FMNL2: variants seen among roughly 807,000 people sequenced by gnomAD.
The protein encoded by FMNL2 is formin like 2, also known as formin-like protein 2.
Under a neutral mutation model 130.2 loss-of-function variants are expected in FMNL2, and 51 were observed. The ratio of observed to expected loss-of-function variants is 0.39; its 90% CI spans 0.31 to 0.49. The LOEUF is 0.49. FMNL2 is among the 20% of genes least tolerant of loss of function. FMNL2 has a pLI of 0.85. For synonymous variants in FMNL2, 465 were observed against 467.1 expected, an observed-to-expected ratio of 1.00 and a Z score of 0.06; for missense variants, 977 against 1,316.2, an observed-to-expected ratio of 0.74 and a Z score of 3.99.
At chr2:152,575,813 A>G (rs906588426) in intron 7 of FMNL2, among the ~76,000 whole-genome samples, 7 of 152,300 alleles carry the variant, frequency 4.6e-5, no homozygotes, top group South Asian at 2.1e-4. Flanking sequence ...AAAAGTTACA[A>G]TTATTGACAG....
intron 1 of FMNL2, among the ~76,000 whole-genome samples, chr2:152,441,898 GA>G (rs1319410001): frequency 2.6e-5 from 4 of 152,080 alleles, no homozygotes; most frequent in Non-Finnish European, 5.9e-5. Context: ...ACTGCAATAG[GA>G]AATGAGAATT....
At chr2:152,422,229 C>T (rs1398023423) in intron 1 of FMNL2, among the ~76,000 whole-genome samples, 1 of 152,162 alleles carries the variant, frequency 6.6e-6, no homozygotes. Flanking sequence ...ACATTCTTCC[C>T]AGAAGCTGAA....
chr2:152,340,029 A>G (rs1192445711), intron 1 of FMNL2, among the ~76,000 whole-genome samples: 1 of 152,020 alleles, frequency 6.6e-6, no homozygotes, highest in African/African-American at 2.4e-5. Context: ...AAAAAAGAAA[A>G]AAAAAGATTA....
chr2:152,553,423 G>C (rs1374686090), intron 4 of FMNL2, among the ~76,000 whole-genome samples: 1 of 151,916 alleles, frequency 6.6e-6, no homozygotes, highest in Non-Finnish European at 1.5e-5. Context: ...TTATGGATGA[G>C]AATACTGAGG....
intron 1 of FMNL2, among the ~76,000 whole-genome samples, chr2:152,353,041 A>G (rs1682589736): frequency 6.6e-6 from 1 of 152,188 alleles, no homozygotes; most frequent in South Asian, 2.1e-4. Flanking sequence ...GCCTCTTGAG[A>G]TGCTGGGACA....
chr2:152,455,233 A>G (rs1294274147), intron 1 of FMNL2, among the ~76,000 whole-genome samples: 1 of 152,142 alleles, frequency 6.6e-6, no homozygotes, highest in Admixed American at 6.5e-5. Context: ...TGGGAAGTAC[A>G]CTTGGAAAGG....
chr2:152,646,341 C>T (rs991989576), intron 25 of FMNL2, among the ~76,000 whole-genome samples: 25 of 13,444 alleles, frequency 1.9e-3, no homozygotes, highest in African/African-American at 2.6e-3. Flanking sequence ...CAACCCCCGC[C>T]CACCCCCCCA....
chr2:152,482,687 C>T (rs543273674), intron 1 of FMNL2, among the ~76,000 whole-genome samples: 4 of 152,296 alleles, frequency 2.6e-5, no homozygotes, highest in Admixed American at 2.0e-4. Flanking sequence ...ATAATCATTG[C>T]TACCTATCTC....
intron 2 of FMNL2, among the ~76,000 whole-genome samples, chr2:152,535,292 C>G (rs533215366): frequency 5.9e-5 from 9 of 152,296 alleles, no homozygotes; most frequent in African/African-American, 2.2e-4. Flanking sequence ...CTGGAAAACT[C>G]CTCTGTCTCC....
At chr2:152,354,679 A>G (rs1025283103) in intron 1 of FMNL2, among the ~76,000 whole-genome samples, 4 of 152,202 alleles carry the variant, frequency 2.6e-5, no homozygotes, top group African/African-American at 9.6e-5. Context: ...CTTTCTTACT[A>G]TCTGGTGAGG....
chr2:152,586,494 T>G (rs1460203212), intron 9 of FMNL2, among the ~76,000 whole-genome samples: 1 of 152,214 alleles, frequency 6.6e-6, no homozygotes, highest in Middle Eastern at 3.2e-3. Context: ...TAATCCCATG[T>G]AATCTAACCT....
At chr2:152,534,934 T>G (rs1693912382) in intron 2 of FMNL2, among the ~76,000 whole-genome samples, 1 of 152,192 alleles carries the variant, frequency 6.6e-6, no homozygotes, top group Non-Finnish European at 1.5e-5. Flanking sequence ...GATTTCATAT[T>G]CAGAGCTGAA....
chr2:152,479,108 G>GT (rs914714160), intron 1 of FMNL2, among the ~76,000 whole-genome samples: 29 of 151,532 alleles, frequency 1.9e-4, no homozygotes, highest in East Asian at 1.4e-3. Flanking sequence ...TCAAGAAACA[G>GT]TTTTTTTTTG....
At chr2:152,521,006 G>A (rs1256635353) in intron 1 of FMNL2, among the ~76,000 whole-genome samples, 3 of 152,136 alleles carry the variant, frequency 2.0e-5, no homozygotes, top group Middle Eastern at 3.2e-3. Flanking sequence ...GATGCCAGGG[G>A]ATAGACAGGA....
intron 1 of FMNL2, among the ~76,000 whole-genome samples, chr2:152,421,010 T>A (rs1048431467): frequency 2.0e-5 from 3 of 152,222 alleles, no homozygotes; most frequent in Non-Finnish European, 4.4e-5. Context: ...GTCCAACGCA[T>A]CTTGTATGTG....
chr2:152,564,776 G>GTTTTTTTTTTTTTTTTTTTT (rs56378937), intron 6 of FMNL2, among the ~76,000 whole-genome samples: 1 of 79,324 alleles, frequency 1.3e-5, no homozygotes, highest in African/African-American at 4.8e-5. Context: ...TACAAGGTTG[G>GTTTTTTTTTTTTTTTTTTTT]TTTTTTTTTT....
At chr2:152,452,495 G>T (rs78011331) in intron 1 of FMNL2, among the ~76,000 whole-genome samples, 14,701 of 151,196 alleles carry the variant, frequency 0.097, 1,044 homozygotes, top group Admixed American at 0.22. Flanking sequence ...GAAACTTCTT[G>T]GCAAAGGCGA....
chr2:152,391,056 C>T (rs1472279127), intron 1 of FMNL2, among the ~76,000 whole-genome samples: 1 of 152,184 alleles, frequency 6.6e-6, no homozygotes, highest in Non-Finnish European at 1.5e-5. Context: ...GCAATAGTAA[C>T]CACACCTTTG....
chr2:152,344,641 G>C (rs1477604690), intron 1 of FMNL2, among the ~76,000 whole-genome samples: 1 of 152,216 alleles, frequency 6.6e-6, no homozygotes, highest in Non-Finnish European at 1.5e-5. Flanking sequence ...TATGGTGTAA[G>C]ATTAAGCAAT....
Sources: gnomAD v4.1 joint callset for allele counts (sites outside exome capture counted in the v4.1 genomes callset) on GRCh38, gnomAD v4.1.1 for gene constraint, MANE v1.5 for transcripts, NCBI Gene and HGNC (gene_info 2026-07-23, HGNC 2026-07-21) for gene names.